FAM111A: variants seen among roughly 807,000 people sequenced by gnomAD.
FAM111A encodes serine protease FAM111A.
In FAM111A, 8 loss-of-function variants were observed where a neutral mutation model predicts 3.3. The ratio of observed to expected loss-of-function variants is 2.39; its 90% CI spans 1.40 to 4.32. The LOEUF (loss-of-function observed/expected upper bound fraction) is 4.32. Ranked by LOEUF, FAM111A falls within the 30% of genes most tolerant of loss-of-function variation. The probability of loss-of-function intolerance (pLI) is 0.00; values close to 1 mark genes in which losing one functional copy is unlikely to be tolerated. For synonymous variants in FAM111A, 227 were observed against 243.1 expected (o/e 0.93, Z 0.62); for missense variants, 683 against 727.6 (o/e 0.94, Z 0.71).
At chr11:59,145,367 C>T (rs902888540) in intron 3 of FAM111A, 1 of 152,398 alleles carries the variant, frequency 6.6e-6, no homozygotes, top group Non-Finnish European at 1.5e-5. Flanking sequence ...GACATGGGCC[C>T]CAGGCTGCAC....
intron 5 of FAM111A, 105 bp downstream of exon 5, chr11:59,149,058 T>A: frequency 1.3e-6 from 1 of 746,836 alleles, no homozygotes; most frequent in Non-Finnish European, 2.4e-6. Context: ...ATGCTCAAAT[T>A]CTTCACATAA....
Position 59,153,869 on chromosome 11 carries a change from ATT to A in FAM111A, c.*381_*382del, listed in dbSNP as rs71036504. The stretch of plus-strand genomic sequence containing the variant: ...GGCAAACGCCACCACACCCAGCTAA[ATT>A]TTTTTTTTTTTTTTTGTATTTTTAG... On this transcript the variant is annotated 3_prime_UTR_variant, in exon 6 of 6. Coordinates refer to ENST00000675163, the MANE Select transcript of FAM111A (RefSeq NM_001312909.2). The A allele has an allele frequency of 0.18, 25,655 of 142,400 alleles. 2,224 individuals are homozygous for A. Among genetic ancestry groups the A allele is most frequent in the South Asian group, 0.21 (917 of 4,448 alleles). The allele number at this position is 142,400 out of a possible 1,614,324, so 8.8% of individuals were successfully genotyped here.
chr11:59,153,464 A>G lies in FAM111A; in HGVS notation c.1796A>G (p.Asn599Ser), dbSNP rs771196114. The G allele has an allele frequency of 6.2e-7, 1 of 1,612,256 alleles. No individual in the cohort carries two copies. The highest frequency in any genetic ancestry group is 1.1e-5 in the South Asian group (1 of 90,692). Reference protein sequence around the residue: ...HKPWYEEVFVNQQDVEMMSDE... With the variant: ...HKPWYEEVFVSQQDVEMMSDE... ...CCATGGTATGAAGAAGTATTTGTAA[A>G]TCAGCAGGATGTAGAAATGATGAGT... is the stretch of plus-strand genomic sequence containing the variant. Residue 599 changes from asparagine (N) to serine (S), a missense_variant, in exon 6 of 6, where the codon AAT (asparagine) becomes AGT (serine). Physicochemically the swap from Asn to Ser is conservative, Grantham distance 46. This residue lies in a region of FAM111A where 122 missense variants were observed against 110.9 expected (regional missense o/e 1.10). Transcript: ENST00000675163.
At position 59,153,167 on chromosome 11, in the gene FAM111A, G is replaced by A. The variant is rs187051503; in HGVS notation, c.1499G>A (p.Arg500His). The A allele has an allele frequency of 2.1e-5, 34 of 1,614,038 alleles. No individual in the cohort carries two copies. Among genetic ancestry groups the A allele is most frequent in the African/African-American group, 1.3e-4 (10 of 74,916 alleles). ...CAGCGAGCAAAGAAATGTCAGGAAC[G>A]TGTTCAGTCTAAAAAAGCAGAAAGT... is the stretch of plus-strand genomic sequence containing the variant. Reference protein sequence around the residue: ...QGQRAKKCQERVQSKKAESPE... With the variant: ...QGQRAKKCQEHVQSKKAESPE... Residue 500 changes from arginine to histidine, a missense_variant, in exon 6 of 6, where the codon CGT becomes CAT. By Grantham distance (29) the Arg-to-His change is conservative. Transcript: ENST00000675163.
intron 3 of FAM111A, chr11:59,144,956 G>C (rs1294446981): frequency 6.5e-6 from 1 of 152,700 alleles, no homozygotes; most frequent in East Asian, 1.9e-4. Context: ...GCGCGGCCGC[G>C]GCGGGCTCGA....
Position 59,152,929 on chromosome 11 carries a change from G to C in FAM111A, c.1261G>C (p.Glu421Gln). Residue 421 changes from glutamate to glutamine, a missense_variant, in exon 6 of 6, where the codon GAA becomes CAA. Transcript: ENST00000675163. ...TGGTTATGAAGAGCTAAAAGACAAG[G>C]AAACAAACTACTTTTTTGTTGAACC... ...TFGYEELKDK[E>Q]TNYFFVEPWF... 6.2e-7 allele frequency: 1 copy of C among 1,614,092 alleles called. No individual in the cohort carries two copies.
chr11:59,152,779 A>T lies in FAM111A; in HGVS notation c.1111A>T (p.Thr371Ser), dbSNP rs143839121. The change falls in exon 6 of 6, where the codon ACC becomes TCC. Residue 371 changes from threonine to serine, a missense_variant. Coordinates refer to ENST00000675163, the MANE Select transcript of FAM111A (RefSeq NM_001312909.2). The part of the protein sequence containing the change: ...FWDSATTGYA[T>S]CFVFKGLFIL... ...GGACAGTGCAACTACGGGTTACGCC[A>T]CCTGCTTTGTTTTTAAAGGATTGTT... is the stretch of plus-strand genomic sequence containing the variant. 748 of 1,614,070 alleles carry T rather than the reference A, an allele frequency of 4.6e-4. No homozygotes were observed. The highest frequency in any genetic ancestry group is 6.0e-4 in the Non-Finnish European group (712 of 1,180,038).
chr11:59,148,735 C>A, intron 4 of FAM111A, 62 bp from the exon 5 acceptor site: 1 of 633,652 alleles, frequency 1.6e-6, no homozygotes, highest in Non-Finnish European at 2.9e-6. Context: ...AGGTTGGAGC[C>A]TAAGGGGAAA....
intron 5 of FAM111A, among the ~76,000 whole-genome samples, 168 bp from the exon 6 acceptor site, chr11:59,151,582 C>T (rs574851541): frequency 6.6e-6 from 1 of 152,286 alleles, no homozygotes; most frequent in South Asian, 2.1e-4. Context: ...TAGGAAGCTC[C>T]GCTTTCATTT....
In FAM111A at chr11:59,152,876, T is replaced by C; in HGVS notation, c.1208T>C (p.Ile403Thr). 6.2e-7 allele frequency: 1 copy of C among 1,614,174 alleles called. No individual in the cohort carries two copies. Among genetic ancestry groups the C allele is most frequent in the South Asian group, 1.1e-5 (1 of 91,086 alleles). ...DGIEPSKWAT[I>T]IGQCVRVTFG... ...ATAGAGCCAAGTAAGTGGGCAACCA[T>C]AATTGGTCAATGTGTAAGGGTGACA... Residue 403 changes from isoleucine (I) to threonine (T), a missense_variant, in exon 6 of 6, where the codon ATA becomes ACA. Coordinates refer to ENST00000675163, the MANE Select transcript of FAM111A (RefSeq NM_001312909.2).
intron 4 of FAM111A, among the ~76,000 whole-genome samples, chr11:59,146,344 A>C (rs982788274): frequency 2.0e-5 from 3 of 152,234 alleles, no homozygotes; most frequent in African/African-American, 7.2e-5. Context: ...TTGGCCTCCC[A>C]AAGTGCTGAG....
At position 59,151,946 on chromosome 11, in the gene FAM111A, AACTTAAGCTC is replaced by A. The variant is rs759624749; in HGVS notation, c.281_290del (p.Leu94HisfsTer22). 228 of 1,613,982 alleles carry A rather than the reference AACTTAAGCTC, an allele frequency of 1.4e-4. No homozygotes were observed. The highest frequency in any genetic ancestry group is 1.9e-4 in the Non-Finnish European group (223 of 1,180,028). ...AACCACAGGAGAAACCAAGATATGA[AACTTAAGCTC>A]ACACATAGTGAGAATAGTAGCTTAT... On this transcript the variant is annotated frameshift_variant, in exon 6 of 6. Transcript: ENST00000675163. LOFTEE classifies it low-confidence loss of function (END_TRUNC).
At chr11:59,146,896 G>A (rs1860993342) in intron 4 of FAM111A, among the ~76,000 whole-genome samples, 1 of 152,196 alleles carries the variant, frequency 6.6e-6, no homozygotes, top group African/African-American at 2.4e-5. Context: ...ACCTCAGTTG[G>A]ATCTTGGTAT....
intron 4 of FAM111A, chr11:59,148,371 T>TAACA (rs1861205518): frequency 6.6e-6 from 1 of 152,664 alleles, no homozygotes; most frequent in Non-Finnish European, 1.5e-5. Flanking sequence ...CTTAAATGAA[T>TAACA]AACAGATTTT....
intron 5 of FAM111A, 103 bp downstream of exon 5, chr11:59,149,056 A>T: frequency 1.3e-6 from 1 of 750,552 alleles, no homozygotes; most frequent in Non-Finnish European, 2.4e-6. Flanking sequence ...GAATGCTCAA[A>T]TTCTTCACAT....
chr11:59,146,833 A>G (rs1860981748), intron 4 of FAM111A, among the ~76,000 whole-genome samples: 1 of 152,256 alleles, frequency 6.6e-6, no homozygotes, highest in Admixed American at 6.5e-5. Context: ...TCAACAAATC[A>G]GTGCTTTTTC....
intron 4 of FAM111A, among the ~76,000 whole-genome samples, chr11:59,147,099 G>A (rs1158386130): frequency 6.6e-6 from 1 of 152,114 alleles, no homozygotes; most frequent in Non-Finnish European, 1.5e-5. Flanking sequence ...AGAGATGAGA[G>A]TTGGTGGGAG....
Position 59,151,858 on chromosome 11 carries a change from A to C in FAM111A, c.190A>C (p.Lys64Gln), listed in dbSNP as rs775373543. 6.2e-7 allele frequency: 1 copy of C among 1,614,232 alleles called. No homozygotes were observed. The highest frequency in any genetic ancestry group is 8.5e-7 in the Non-Finnish European group (1 of 1,180,044). ...NTQAQRFHSP[K>Q]KNPEDQTMPQ... ...CCAGGCTCAAAGATTCCATTCACCTAAGAAAAATCCAGAAGACCAGACCAT... is the reference window on the plus strand; with the variant it reads ...CCAGGCTCAAAGATTCCATTCACCTCAGAAAAATCCAGAAGACCAGACCAT... Residue 64 changes from lysine (K) to glutamine (Q), a missense_variant, in exon 6 of 6, where the codon AAG becomes CAG. This residue lies in a region of FAM111A where 557 missense variants were observed against 600.2 expected (regional missense o/e 0.93). Coordinates refer to ENST00000675163, the MANE Select transcript of FAM111A (RefSeq NM_001312909.2).
At chr11:59,151,210 G>A (rs111872717) in intron 5 of FAM111A, among the ~76,000 whole-genome samples, 7,187 of 152,016 alleles carry the variant, frequency 0.047, 461 homozygotes, top group East Asian at 0.16. Flanking sequence ...GAGTGCAATG[G>A]TGCTATCTCC....
Sources: allele counts gnomAD v4.1 joint callset (sites outside exome capture counted in the v4.1 genomes callset), GRCh38; gene constraint gnomAD v4.1.1; regional missense constraint gnomAD v4.1.1; transcripts MANE v1.5; gene names NCBI Gene and HGNC (gene_info 2026-07-23, HGNC 2026-07-21).